BLTP1: variants seen among roughly 807,000 people sequenced by gnomAD.
BLTP1 encodes bridge-like lipid transfer protein family member 1.
chr4:122,211,095 G>A, the BLTP1 span: 1 of 1,607,422 alleles, frequency 6.2e-7, no homozygotes. Flanking sequence ...TGTGTATAAA[G>A]GTATGATTCT....
the BLTP1 span, among the ~76,000 whole-genome samples, chr4:122,232,354 C>T: frequency 6.6e-6 from 1 of 152,160 alleles, no homozygotes; most frequent in South Asian, 2.1e-4. Context: ...TTAAATTTAA[C>T]TTTCAGATAA....
chr4:122,220,417 A>G, the BLTP1 span: 11 of 1,612,234 alleles, frequency 6.8e-6, no homozygotes, highest in African/African-American at 2.7e-5. Context: ...TAGGGAGACC[A>G]TGCTGCAACT....
At chr4:122,344,045 C>G in the BLTP1 span, 52 of 949,948 alleles carry the variant, frequency 5.5e-5, no homozygotes, top group Admixed American at 6.2e-5. Context: ...CTTTGAAGAG[C>G]AGATAAAACA....
At chr4:122,205,661 CTA>C in the BLTP1 span, among the ~76,000 whole-genome samples, 1 of 119,432 alleles carries the variant, frequency 8.4e-6, no homozygotes, top group African/African-American at 3.1e-5. Flanking sequence ...CTCTCTCTCT[CTA>C]GTGTCAAAGT....
the BLTP1 span, chr4:122,346,341 G>A: frequency 1.1e-5 from 5 of 456,244 alleles, no homozygotes; most frequent in African/African-American, 2.1e-5. Context: ...AGACTGCTGT[G>A]TTAAAATTGA....
the BLTP1 span, chr4:122,261,255 G>A: frequency 2.0e-6 from 2 of 980,636 alleles, no homozygotes; most frequent in Non-Finnish European, 2.4e-6. Context: ...ACTTTAATCT[G>A]TCTTAGCTTT....
the BLTP1 span, among the ~76,000 whole-genome samples, chr4:122,157,129 A>G: frequency 6.6e-6 from 1 of 152,346 alleles, no homozygotes; most frequent in South Asian, 2.1e-4. Context: ...GATACCTTGA[A>G]GATCTCTTGC....
chr4:122,271,552 G>T, the BLTP1 span: 1 of 1,613,402 alleles, frequency 6.2e-7, no homozygotes. Context: ...CAAAAGATGT[G>T]GTGGATCACA....
the BLTP1 span, chr4:122,290,848 C>CAT: frequency 8.6e-6 from 1 of 116,254 alleles, no homozygotes; most frequent in African/African-American, 3.3e-5. Flanking sequence ...CACACACACA[C>CAT]ATAATATTAT....
the BLTP1 span, among the ~76,000 whole-genome samples, chr4:122,315,042 A>C: frequency 6.6e-6 from 1 of 152,134 alleles, no homozygotes; most frequent in East Asian, 1.9e-4. Flanking sequence ...ACATGGCAAG[A>C]AACACAGTGG....
chr4:122,158,862 T>TA, the BLTP1 span, among the ~76,000 whole-genome samples: 2 of 152,196 alleles, frequency 1.3e-5, no homozygotes, highest in African/African-American at 4.8e-5. Flanking sequence ...TTTGGTAAAA[T>TA]ACAGCATTTT....
At chr4:122,293,378 G>A in the BLTP1 span, among the ~76,000 whole-genome samples, 1 of 152,168 alleles carries the variant, frequency 6.6e-6, no homozygotes, top group African/African-American at 2.4e-5. Context: ...CGGAGGGCAA[G>A]GAAAAGCAGG....
At chr4:122,257,439 G>GGGGT in the BLTP1 span, 1 of 1,614,018 alleles carries the variant, frequency 6.2e-7, no homozygotes, top group Non-Finnish European at 8.5e-7. Context: ...TTGGACAATG[G>GGGGT]GGGTGGTCTT....
the BLTP1 span, chr4:122,356,536 G>A: frequency 1.5e-6 from 2 of 1,348,060 alleles, no homozygotes; most frequent in South Asian, 2.7e-5. Context: ...TGCATTTCAT[G>A]TGGATGCATT....
chr4:122,164,136 A>G, the BLTP1 span, among the ~76,000 whole-genome samples: 2 of 152,224 alleles, frequency 1.3e-5, no homozygotes, highest in African/African-American at 4.8e-5. Flanking sequence ...TACAAAATAC[A>G]AATATTTAAG....
chr4:122,192,516 A>G, the BLTP1 span: 1 of 628,096 alleles, frequency 1.6e-6, no homozygotes, highest in South Asian at 3.5e-5. Context: ...ATTTTGATCC[A>G]AAGAAAAACT....
At chr4:122,182,867 T>A in the BLTP1 span, 50 of 984,976 alleles carry the variant, frequency 5.1e-5, no homozygotes, top group Non-Finnish European at 5.8e-5. Flanking sequence ...CAATGATTAA[T>A]AAAGTGAATG....
At chr4:122,286,597 A>G in the BLTP1 span, 1 of 1,614,100 alleles carries the variant, frequency 6.2e-7, no homozygotes, top group Non-Finnish European at 8.5e-7. Flanking sequence ...TTTTACTTCA[A>G]AAGTTTCTGC....
chr4:122,269,574 C>A, the BLTP1 span: 5 of 985,024 alleles, frequency 5.1e-6, no homozygotes, highest in Admixed American at 1.2e-4. Flanking sequence ...TATTTGGAGA[C>A]CTTCACCGCA....
Sources: gnomAD v4.1 joint callset for allele counts (sites outside exome capture counted in the v4.1 genomes callset) on GRCh38, gnomAD v4.1.1 for gene constraint, MANE v1.5 for transcripts, NCBI Gene and HGNC (gene_info 2026-07-23, HGNC 2026-07-21) for gene names.